IFNGR2: variants seen among roughly 807,000 people sequenced by gnomAD.
IFNGR2 encodes the protein IFN-gamma receptor 2.
IFNGR2 carries 15 observed loss-of-function variants against 41.1 expected under a neutral mutation model. The observed-to-expected ratio is 0.37, with a 90% CI of 0.24 to 0.56. The LOEUF is 0.56. Among genes scored for constraint, IFNGR2 ranks in the 20% least tolerant of loss-of-function variants. The probability of loss-of-function intolerance (pLI) is 0.81; values close to 1 mark genes in which losing one functional copy is unlikely to be tolerated. For synonymous variants in IFNGR2, 161 were observed against 171.6 expected (o/e 0.94, Z 0.48); for missense variants, 362 against 415.7 (o/e 0.87, Z 1.12).
chr21:33,407,695 A>G (rs1472308542), intron 1 of IFNGR2, among the ~76,000 whole-genome samples: 4 of 152,220 alleles, frequency 2.6e-5, no homozygotes, highest in Non-Finnish European at 5.9e-5. Flanking sequence ...TCCCAGGTTC[A>G]AGCGATTCTC....
intron 2 of IFNGR2, among the ~76,000 whole-genome samples, chr21:33,416,215 GA>G (rs2083751991): frequency 1.3e-5 from 2 of 152,090 alleles, no homozygotes; most frequent in Admixed American, 1.3e-4. Flanking sequence ...AAAAAAAAGA[GA>G]GACAAAAACT....
chr21:33,410,725 C>G (rs1419970992), intron 1 of IFNGR2: 1 of 742,082 alleles, frequency 1.3e-6, no homozygotes, highest in South Asian at 1.5e-5. Context: ...ACCTCAGCCT[C>G]CCTAAGTGCT....
At chr21:33,433,940 G>GAGACAGTGAT (rs2083917166) in intron 6 of IFNGR2, among the ~76,000 whole-genome samples, 1 of 152,072 alleles carries the variant, frequency 6.6e-6, no homozygotes, top group Non-Finnish European at 1.5e-5. Context: ...GAAGGCGGTG[G>GAGACAGTGAT]AGACAGTGAT....
At chr21:33,410,911 G>C (rs1023984070) in intron 1 of IFNGR2, 3 of 1,497,042 alleles carry the variant, frequency 2.0e-6, no homozygotes, top group Non-Finnish European at 2.7e-6. Context: ...AGAGTATCTG[G>C]GTGTAACCTG....
intron 4 of IFNGR2, among the ~76,000 whole-genome samples, chr21:33,428,451 C>T (rs1032144209): frequency 6.6e-6 from 1 of 151,984 alleles, no homozygotes; most frequent in African/African-American, 2.4e-5. Flanking sequence ...TGGTCTCGAA[C>T]TCCTGGTCTC....
intron 4 of IFNGR2, among the ~76,000 whole-genome samples, chr21:33,427,458 G>A (rs2123359253): frequency 6.6e-6 from 1 of 152,268 alleles, no homozygotes; most frequent in African/African-American, 2.4e-5. Flanking sequence ...AAATCGGGGG[G>A]AAACAGAGGG....
intron 2 of IFNGR2, among the ~76,000 whole-genome samples, chr21:33,418,087 A>T (rs773969156): frequency 3.9e-5 from 6 of 152,072 alleles, no homozygotes; most frequent in Non-Finnish European, 8.8e-5. Context: ...CAGTGGCGTG[A>T]TCTCAGCTGA....
chr21:33,431,511 A>G (rs1243342002), intron 4 of IFNGR2, among the ~76,000 whole-genome samples: 2 of 152,196 alleles, frequency 1.3e-5, no homozygotes, highest in African/African-American at 2.4e-5. Flanking sequence ...CGGAGGTTGC[A>G]GTGAGCCGAG....
chr21:33,421,741 C>CTACCA, intron 3 of IFNGR2, 56 bp downstream of exon 3: 1 of 1,333,316 alleles, frequency 7.5e-7, no homozygotes, highest in East Asian at 2.3e-5. Context: ...TCTTCACTTG[C>CTACCA]GGTATCGACT....
rs1568960459 is a variant in IFNGR2 at position 33,427,841 on chromosome 21, CATCT to C, written c.561+810_561+813del. 5.1e-5 allele frequency among the ~76,000 whole-genome samples: 6 copies of C among 116,908 alleles called. 1 individual carries two copies. Among genetic ancestry groups the C allele is most frequent in the East Asian group, 5.2e-4 (2 of 3,838 alleles). The allele number at this position is 116,908 out of a possible 152,430, so 76.7% of individuals were successfully genotyped here. A position where few individuals can be genotyped will look rare whatever the true frequency, so the allele number is the denominator to read the frequency against. On this transcript the variant is annotated intron_variant, in intron 4 of 6. Coordinates refer to ENST00000290219, the MANE Select transcript of IFNGR2 (RefSeq NM_005534.4). ...GAATTTTAGATACTTCATCTCATTT[CATCT>C]TTTTTTTTTTTTTTTTTTTGAGCTG... is the stretch of plus-strand genomic sequence containing the variant.
chr21:33,415,077 C>A (rs2083744858), intron 2 of IFNGR2, 57 bp downstream of exon 2: 3 of 1,601,496 alleles, frequency 1.9e-6, no homozygotes, highest in Admixed American at 1.7e-5. Flanking sequence ...TCGTGCGGAA[C>A]CCTGGGGCCA....
rs758160187 is a variant in IFNGR2 at position 33,427,010 on chromosome 21, G to A, written c.539G>A (p.Trp180Ter). 2.0e-5 allele frequency: 33 copies of A among 1,611,534 alleles called. No homozygotes were observed. Among genetic ancestry groups the A allele is most frequent in the Non-Finnish European group, 2.8e-5 (33 of 1,178,582 alleles). ...TTTTTTTGTTATTATGTCCATTACTGGGAAAAAGGAGGAATCCAACAGGCA... is the reference window on the plus strand; with the variant it reads ...TTTTTTTGTTATTATGTCCATTACTAGGAAAAAGGAGGAATCCAACAGGCA... Reference protein sequence around the residue: ...TAFFCYYVHYWEKGGIQQVKG... With the variant: ...TAFFCYYVHY The change falls in exon 4 of 7, where the codon TGG becomes TAG. Residue 180 changes from tryptophan (W) to a stop codon, truncating the protein, a stop_gained. Coordinates refer to ENST00000290219, the MANE Select transcript of IFNGR2 (RefSeq NM_005534.4). LOFTEE classifies it high-confidence loss of function.
chr21:33,427,430 GT>G (rs2083847779), intron 4 of IFNGR2, among the ~76,000 whole-genome samples: 1 of 152,186 alleles, frequency 6.6e-6, no homozygotes, highest in South Asian at 2.1e-4. Context: ...TGAACAGTTT[GT>G]GAAAAGGGCA....
Position 33,436,843 on chromosome 21 carries a change from A to G in IFNGR2, c.895A>G (p.Thr299Ala), listed in dbSNP as rs149110977. 1 of 1,614,180 alleles carries G rather than the reference A, an allele frequency of 6.2e-7. No homozygotes were observed. Among genetic ancestry groups the G allele is most frequent in the Admixed American group, 1.7e-5 (1 of 60,028 alleles). The change falls in exon 7 of 7, where the codon ACT becomes GCT. Residue 299 changes from threonine to alanine, a missense_variant. Thr to Ala is a moderately conservative substitution (Grantham distance 58). Coordinates refer to ENST00000290219, the MANE Select transcript of IFNGR2 (RefSeq NM_005534.4). ...LQIEEYLKDP[T>A]QPILEALDKD... is the part of the protein sequence containing the mutation. ...CCTCCTCAAGTATTTAAAAGACCCA[A>G]CTCAGCCCATCTTAGAGGCCTTGGA...
chr21:33,428,271 G>C (rs985550655), intron 4 of IFNGR2, among the ~76,000 whole-genome samples: 3 of 149,766 alleles, frequency 2.0e-5, no homozygotes, highest in African/African-American at 7.4e-5. Flanking sequence ...GCCCAGGCTA[G>C]AGTACTGTGG....
At position 33,436,994 on chromosome 21, in the gene IFNGR2, T is replaced by G; in HGVS notation, c.*32T>G. On this transcript the variant is annotated 3_prime_UTR_variant, in exon 7 of 7. Coordinates refer to ENST00000290219, the MANE Select transcript of IFNGR2 (RefSeq NM_005534.4). ...GCATGGGCCTAGCCCACTGGCTCCCTGGAAGAGATCAAGCCATCGGAGCTG... is the reference window on the plus strand; with the variant it reads ...GCATGGGCCTAGCCCACTGGCTCCCGGGAAGAGATCAAGCCATCGGAGCTG... 6.2e-7 allele frequency: 1 copy of G among 1,612,440 alleles called. No individual in the cohort carries two copies. Among genetic ancestry groups the G allele is most frequent in the Non-Finnish European group, 8.5e-7 (1 of 1,178,674 alleles).
intron 4 of IFNGR2, among the ~76,000 whole-genome samples, chr21:33,427,612 G>T (rs2083849564): frequency 6.6e-6 from 1 of 152,136 alleles, no homozygotes; most frequent in Non-Finnish European, 1.5e-5. Flanking sequence ...CATGACATCA[G>T]AGCGGCCTGG....
chr21:33,409,555 G>A (rs897855388), intron 1 of IFNGR2, among the ~76,000 whole-genome samples: 4 of 152,164 alleles, frequency 2.6e-5, no homozygotes, highest in Admixed American at 1.3e-4. Context: ...GTATTTTAGC[G>A]AGTGGTGGTG....
intron 1 of IFNGR2, among the ~76,000 whole-genome samples, chr21:33,413,261 G>A (rs1051127612): frequency 2.0e-5 from 3 of 152,116 alleles, no homozygotes; most frequent in African/African-American, 4.8e-5. Flanking sequence ...CTCTTGCCAC[G>A]CAGCTTTACC....
Sources: gnomAD v4.1 joint callset for allele counts (sites outside exome capture counted in the v4.1 genomes callset) on GRCh38, gnomAD v4.1.1 for gene constraint, MANE v1.5 for transcripts, NCBI Gene and HGNC (gene_info 2026-07-23, HGNC 2026-07-21) for gene names.